RABGAP1L: variants seen among roughly 807,000 people sequenced by gnomAD.
RABGAP1L encodes rab GTPase-activating protein 1-like.
A neutral mutation model predicts 137.7 loss-of-function variants in RABGAP1L; 63 were observed. That is an observed-to-expected ratio of 0.46 (90% confidence interval 0.37 to 0.56). The LOEUF is 0.56. RABGAP1L is among the 20% of genes least tolerant of loss of function. The pLI is 0.00. For synonymous variants in RABGAP1L, 431 were observed against 433.7 expected (o/e 0.99, Z 0.08); for missense variants, 1,095 against 1,244.0 (o/e 0.88, Z 1.80).
chr1:174,436,659 A>G (rs1229684803), intron 13 of RABGAP1L, among the ~76,000 whole-genome samples: 2 of 152,148 alleles, frequency 1.3e-5, no homozygotes, highest in Admixed American at 1.3e-4. Context: ...CTTTAGTTTA[A>G]TTAGATCCCG....
intron 15 of RABGAP1L, among the ~76,000 whole-genome samples, chr1:174,691,869 G>A (rs1678899869): frequency 1.3e-5 from 2 of 152,116 alleles, no homozygotes; most frequent in South Asian, 4.2e-4. Context: ...ACCTCGTGGA[G>A]GAATTGCACG....
rs183159128 is a variant in RABGAP1L at position 174,297,152 on chromosome 1, G to A, written c.1324-7834G>A. Among the ~76,000 whole-genome samples, 190 of 152,220 alleles carry A rather than the reference G, an allele frequency of 1.2e-3. 1 individual carries two copies. Among genetic ancestry groups the A allele is most frequent in the African/African-American group, 4.5e-3 (186 of 41,540 alleles). ...CATTTCTTAGTGTCTTAGGTTTATG[G>A]CTAAGACTCCCTATAACAAAAGACA... On this transcript the variant is annotated intron_variant, in intron 10 of 25. Coordinates refer to ENST00000681986, the MANE Select transcript of RABGAP1L (RefSeq NM_001366446.1).
chr1:174,816,147 C>CTTTTTTTTTTTTTTTTTTTTTTTTTTTT (rs67065448), intron 19 of RABGAP1L, among the ~76,000 whole-genome samples: 1 of 86,154 alleles, frequency 1.2e-5, no homozygotes, highest in Non-Finnish European at 2.1e-5. Context: ...TAATACATAG[C>CTTTTTTTTTTTTTTTTTTTTTTTTTTTT]TTTTTTTTTT....
chr1:174,349,361 A>AC (rs368251420), intron 11 of RABGAP1L, among the ~76,000 whole-genome samples: 15 of 63,240 alleles, frequency 2.4e-4, no homozygotes, highest in South Asian at 4.9e-4. Flanking sequence ...AGGGGGGCTG[A>AC]CCCCCCCCAC....
At chr1:174,632,388 G>A (rs908421412) in intron 13 of RABGAP1L, among the ~76,000 whole-genome samples, 16 of 147,198 alleles carry the variant, frequency 1.1e-4, no homozygotes, top group Non-Finnish European at 2.2e-4. Context: ...TGCTCTTCTC[G>A]AGGAGTATCT....
At chr1:174,946,936 ATATATGTGTGTGTGTGTGTG>A (rs1666922994) in intron 19 of RABGAP1L, among the ~76,000 whole-genome samples, 1 of 65,064 alleles carries the variant, frequency 1.5e-5, no homozygotes, top group Non-Finnish European at 2.8e-5. Context: ...ATATATATAT[ATATATGTGTGTGTGTGTGTG>A]TGTGTGTGTG....
chr1:174,722,352 GT>G (rs1327596836), intron 17 of RABGAP1L, among the ~76,000 whole-genome samples: 38 of 152,162 alleles, frequency 2.5e-4, no homozygotes, highest in African/African-American at 8.9e-4. Flanking sequence ...ATATTATATT[GT>G]TTTGTTATAT....
intron 1 of RABGAP1L, among the ~76,000 whole-genome samples, chr1:174,186,531 C>G (rs573492712): frequency 6.6e-6 from 1 of 152,056 alleles, no homozygotes; most frequent in Admixed American, 6.5e-5. Context: ...TATATAGATC[C>G]CTGCTCCCCT....
chr1:174,255,184 A>T (rs1447000449), intron 7 of RABGAP1L, among the ~76,000 whole-genome samples: 1 of 152,066 alleles, frequency 6.6e-6, no homozygotes, highest in Non-Finnish European at 1.5e-5. Flanking sequence ...TTTTCATGAG[A>T]TACAAAAAAT....
chr1:174,430,690 C>G (rs752075441), intron 13 of RABGAP1L, among the ~76,000 whole-genome samples: 1 of 152,226 alleles, frequency 6.6e-6, no homozygotes, highest in Non-Finnish European at 1.5e-5. Context: ...CAGTGCTCAA[C>G]ATTTCCCACT....
In RABGAP1L at chr1:174,234,951, G is replaced by T. The variant is rs1436954667; in HGVS notation, c.542+3596G>T. Among the ~76,000 whole-genome samples the T allele has an allele frequency of 2.2e-3, 252 of 114,672 alleles. 1 individual carries two copies. The highest frequency in any genetic ancestry group is 0.01 in the African/African-American group (238 of 23,142). The allele number at this position is 114,672 out of a possible 152,430, so 75.2% of individuals were successfully genotyped here. A position where few individuals can be genotyped will look rare whatever the true frequency, so the allele number is the denominator to read the frequency against. On this transcript the variant is annotated intron_variant, in intron 4 of 25. Coordinates refer to ENST00000681986, the MANE Select transcript of RABGAP1L (RefSeq NM_001366446.1). Reference sequence around the variant, plus strand: ...ATCCTCTTTTATTTCCTTGAGCAGTGGTTTGTAGTTCTCCTTGAGGAGGTC... The same window carrying T: ...ATCCTCTTTTATTTCCTTGAGCAGTTGTTTGTAGTTCTCCTTGAGGAGGTC...
At chr1:174,317,671 C>T (rs1679513282) in intron 11 of RABGAP1L, among the ~76,000 whole-genome samples, 1 of 152,128 alleles carries the variant, frequency 6.6e-6, no homozygotes, top group African/African-American at 2.4e-5. Flanking sequence ...GTCATGTTTC[C>T]CCCCAGTCCA....
intron 17 of RABGAP1L, among the ~76,000 whole-genome samples, chr1:174,732,920 A>T (rs1572963630): frequency 3.3e-5 from 5 of 152,286 alleles, no homozygotes; most frequent in Non-Finnish European, 7.4e-5. Flanking sequence ...TAACATGATA[A>T]TTGTCAGGGC....
At chr1:174,637,741 A>G (rs959426867) in intron 14 of RABGAP1L, among the ~76,000 whole-genome samples, 9 of 152,182 alleles carry the variant, frequency 5.9e-5, no homozygotes, top group Non-Finnish European at 1.0e-4. Context: ...GAAAGGAACA[A>G]AAGGTCCTCT....
chr1:174,494,861 T>C (rs894251185), intron 13 of RABGAP1L, among the ~76,000 whole-genome samples: 1 of 152,122 alleles, frequency 6.6e-6, no homozygotes, highest in African/African-American at 2.4e-5. Context: ...TGTTGGAATA[T>C]ACACAAACAA....
At chr1:174,711,878 G>A (rs1245666550) in intron 17 of RABGAP1L, among the ~76,000 whole-genome samples, 3 of 152,254 alleles carry the variant, frequency 2.0e-5, no homozygotes, top group African/African-American at 4.8e-5. Context: ...GAGTCGGGTG[G>A]GAACTTGGAG....
chr1:174,336,899 A>AAAG lies in RABGAP1L; in HGVS notation c.1465+31773_1465+31774insAGA, dbSNP rs1553276030. Reference sequence around the variant, plus strand: ...TGTGTGTGTGTGAGAGAGAGAGAGAAAGAGAGAGAAAGAATGGAGGAGGAA... The same window carrying AAAG: ...TGTGTGTGTGTGAGAGAGAGAGAGAAAAGAGAGAGAGAAAGAATGGAGGAGGAA... On this transcript the variant is annotated intron_variant, in intron 11 of 25. Transcript: ENST00000681986. Among the ~76,000 whole-genome samples the AAAG allele has an allele frequency of 9.5e-3, 1,375 of 145,388 alleles. 6 individuals carry two copies. The highest frequency in any genetic ancestry group is 0.031 in the Middle Eastern group (9 of 288).
chr1:174,311,322 T>C (rs1057187957), intron 11 of RABGAP1L, among the ~76,000 whole-genome samples: 1 of 152,110 alleles, frequency 6.6e-6, no homozygotes, highest in African/African-American at 2.4e-5. Flanking sequence ...TCATTCACTA[T>C]CATGAGAATA....
At chr1:174,886,964 G>A (rs572393192) in intron 19 of RABGAP1L, among the ~76,000 whole-genome samples, 11 of 152,164 alleles carry the variant, frequency 7.2e-5, no homozygotes, top group African/African-American at 2.2e-4. Flanking sequence ...GTGCCACCAC[G>A]CCCAGCTAAT....
Sources: allele counts gnomAD v4.1 joint callset (sites outside exome capture counted in the v4.1 genomes callset), GRCh38; gene constraint gnomAD v4.1.1; transcripts MANE v1.5; gene names NCBI Gene and HGNC (gene_info 2026-07-23, HGNC 2026-07-21).